DLGAP2: variants seen among roughly 807,000 people sequenced by gnomAD.
DLGAP2 encodes disks large-associated protein 2.
Under a neutral mutation model 100.3 loss-of-function variants are expected in DLGAP2, and 26 were observed. The ratio of observed to expected loss-of-function variants is 0.26; its 90% CI spans 0.19 to 0.36. The LOEUF is 0.36. Among genes scored for constraint, DLGAP2 ranks in the 10% least tolerant of loss-of-function variants. The pLI is 1.00. For missense variants in DLGAP2, 1,858 were observed against 1,453.2 expected (o/e 1.28, Z -4.53); for synonymous variants, 886 against 630.1 (o/e 1.41, Z -6.08).
intron 3 of DLGAP2, chr8:1,262,516 G>T (rs1799372050): frequency 6.6e-6 from 1 of 152,124 alleles, no homozygotes; most frequent in African/African-American, 2.4e-5. Flanking sequence ...CAGGAATGCA[G>T]TTTCTACAGG....
intron 2 of DLGAP2, among the ~76,000 whole-genome samples, chr8:1,093,253 GCAGCCAGAAACACCTTCACACCCA>G (rs1187906997): frequency 2.6e-5 from 3 of 113,406 alleles, no homozygotes; most frequent in Non-Finnish European, 5.8e-5. Context: ...CTTCACACCC[GCAGCCAGAAACACCTTCACACCCA>G]CAGCCAGAAA....
intron 2 of DLGAP2, among the ~76,000 whole-genome samples, chr8:1,256,516 T>C (rs986839933): frequency 6.2e-5 from 9 of 144,854 alleles, no homozygotes; most frequent in South Asian, 2.3e-4. Context: ...GGGTGCTGTG[T>C]GTGTGCCCGT....
chr8:1,413,032 C>T (rs1796777364), intron 3 of DLGAP2, among the ~76,000 whole-genome samples: 1 of 152,070 alleles, frequency 6.6e-6, no homozygotes, highest in Non-Finnish European at 1.5e-5. Flanking sequence ...GCTCAAGTGT[C>T]CCCTCCTCTG....
chr8:1,332,894 T>A (rs1393267182), intron 3 of DLGAP2, among the ~76,000 whole-genome samples: 1 of 152,154 alleles, frequency 6.6e-6, no homozygotes, highest in Non-Finnish European at 1.5e-5. Context: ...GCTCTGGGTG[T>A]GTCTGGGAGT....
intron 2 of DLGAP2, among the ~76,000 whole-genome samples, chr8:1,206,442 G>A (rs13251165): frequency 4.1e-5 from 6 of 144,932 alleles, no homozygotes; most frequent in African/African-American, 1.3e-4. Flanking sequence ...CCAGCCATCC[G>A]TGGACTGGGG....
intron 3 of DLGAP2, among the ~76,000 whole-genome samples, chr8:1,318,040 A>C (rs7015136): frequency 3.3e-3 from 106 of 32,218 alleles, no homozygotes; most frequent in African/African-American, 0.02. Context: ...GCGTCTCTCC[A>C]ACAGTGGTCT....
At position 1,415,814 on chromosome 8, in the gene DLGAP2, T is replaced by A. The variant is rs192497734; in HGVS notation, c.107-85552T>A. 5.7e-4 allele frequency among the ~76,000 whole-genome samples: 87 copies of A among 152,350 alleles called. No individual in the cohort carries two copies. The Middle Eastern group carries it at 0.014, about 24-fold the overall frequency. On this transcript the variant is annotated intron_variant, in intron 3 of 14. Transcript: ENST00000637795. ...TCAGTGTCTTTTTGGTAGAATGATTTATTTTCCTTTGGGTATATACCCAGT... is the reference window on the plus strand; with the variant it reads ...TCAGTGTCTTTTTGGTAGAATGATTAATTTTCCTTTGGGTATATACCCAGT...
chr8:1,678,766 T>A, intron 12 of DLGAP2, 137 bp downstream of exon 12: 1 of 906,744 alleles, frequency 1.1e-6, no homozygotes, highest in Non-Finnish European at 1.5e-6. Flanking sequence ...TTCTAGTATA[T>A]CCCCCTCAAT....
At chr8:1,491,059 TAA>T (rs1563180014) in intron 3 of DLGAP2, among the ~76,000 whole-genome samples, 4 of 81,850 alleles carry the variant, frequency 4.9e-5, no homozygotes, top group East Asian at 7.2e-4. Flanking sequence ...ATAAAATAAA[TAA>T]AAATAAACTG....
At chr8:1,469,239 T>C (rs1264623098) in intron 3 of DLGAP2, among the ~76,000 whole-genome samples, 3 of 152,204 alleles carry the variant, frequency 2.0e-5, no homozygotes, top group Non-Finnish European at 2.9e-5. Context: ...AGGGTGGCTG[T>C]GGCCAGCAGC....
chr8:1,331,325 A>G (rs1301994691), intron 3 of DLGAP2, among the ~76,000 whole-genome samples: 2 of 152,122 alleles, frequency 1.3e-5, no homozygotes, highest in Admixed American at 1.3e-4. Flanking sequence ...TTGGCTGCAC[A>G]GTGTCCTCAC....
intron 1 of DLGAP2, among the ~76,000 whole-genome samples, chr8:855,678 C>G (rs1243873879): frequency 6.6e-6 from 1 of 152,132 alleles, no homozygotes; most frequent in Non-Finnish European, 1.5e-5. Context: ...GTGGGATCAT[C>G]GGTTACTGAT....
At chr8:1,433,377 G>C (rs1169972422) in intron 3 of DLGAP2, among the ~76,000 whole-genome samples, 22 of 152,192 alleles carry the variant, frequency 1.4e-4, no homozygotes, top group Admixed American at 1.3e-3. Context: ...AAACAGGAGG[G>C]GTTGGTCCTG....
intron 3 of DLGAP2, among the ~76,000 whole-genome samples, chr8:1,470,018 C>T (rs1278695895): frequency 1.3e-5 from 2 of 151,490 alleles, no homozygotes; most frequent in Non-Finnish European, 2.9e-5. Flanking sequence ...AAAAATTAGC[C>T]AAGCCTGGTG....
intron 2 of DLGAP2, among the ~76,000 whole-genome samples, chr8:955,030 G>C (rs1242416988): frequency 2.0e-5 from 3 of 151,998 alleles, no homozygotes; most frequent in Non-Finnish European, 4.4e-5. Flanking sequence ...TTCATTTTCA[G>C]TACAGAACTG....
At chr8:1,097,567 C>T (rs1458769856) in intron 2 of DLGAP2, among the ~76,000 whole-genome samples, 7 of 126,526 alleles carry the variant, frequency 5.5e-5, no homozygotes, top group South Asian at 2.6e-4. Context: ...GCTGGGAGCC[C>T]GGGGCAGGCC....
chr8:1,181,664 C>T (rs1364467495), intron 2 of DLGAP2, among the ~76,000 whole-genome samples: 1 of 152,128 alleles, frequency 6.6e-6, no homozygotes, highest in Non-Finnish European at 1.5e-5. Flanking sequence ...AACAAACCTG[C>T]CCATTTACCC....
chr8:990,173 T>G (rs896167279), intron 2 of DLGAP2, among the ~76,000 whole-genome samples: 1 of 152,074 alleles, frequency 6.6e-6, no homozygotes, highest in Non-Finnish European at 1.5e-5. Context: ...TTTGTATTAG[T>G]GGTCCATTCT....
chr8:1,646,869 G>A (rs1009570839), intron 8 of DLGAP2, among the ~76,000 whole-genome samples: 23 of 152,166 alleles, frequency 1.5e-4, no homozygotes, highest in South Asian at 2.1e-4. Flanking sequence ...GAAAGCCAGC[G>A]TCGAAAACTT....
Sources: gnomAD v4.1 joint callset for allele counts (sites outside exome capture counted in the v4.1 genomes callset) on GRCh38, gnomAD v4.1.1 for gene constraint, MANE v1.5 for transcripts, NCBI Gene and HGNC (gene_info 2026-07-23, HGNC 2026-07-21) for gene names.